The following GPRASP3 variants were observed in gnomAD, a reference collection of about 807,000 sequenced individuals.
The protein encoded by GPRASP3 is G protein-coupled receptor associated sorting protein family member 3, also known as G protein-coupled receptor associated sorting protein 3.
At chrX:102,724,749 G>GTGTGTGTGTT in the GPRASP3 span, among the ~76,000 whole-genome samples, 31 of 110,085 alleles carry the variant, frequency 2.8e-4, no homozygotes, top group African/African-American at 1.0e-3. Context: ...GTGTGTGTGT[G>GTGTGTGTGTT]TGTGTATCCA....
At chrX:102,744,972 C>T in the GPRASP3 span, among the ~76,000 whole-genome samples, 1 of 111,365 alleles carries the variant, frequency 9.0e-6, no homozygotes, top group East Asian at 2.8e-4. Flanking sequence ...AACTCCCCAT[C>T]GCTTGGAAGG....
the GPRASP3 span, among the ~76,000 whole-genome samples, chrX:102,734,180 T>G: frequency 2.7e-5 from 3 of 112,146 alleles, no homozygotes; most frequent in African/African-American, 9.7e-5. Context: ...GCCATCTGGA[T>G]GTATACGTGC....
chrX:102,737,374 A>G, the GPRASP3 span, among the ~76,000 whole-genome samples: 1 of 112,611 alleles, frequency 8.9e-6, no homozygotes, highest in African/African-American at 3.2e-5. Context: ...CCATGAGTGT[A>G]TGACGTATGT....
chrX:102,725,941 C>T, the GPRASP3 span, among the ~76,000 whole-genome samples: 2 of 111,901 alleles, frequency 1.8e-5, no homozygotes, highest in Non-Finnish European at 1.9e-5. Flanking sequence ...GGACAGGAAG[C>T]ATAGAGAAAG....
chrX:102,724,207 T>C, the GPRASP3 span, among the ~76,000 whole-genome samples: 722 of 111,402 alleles, frequency 6.5e-3, 7 homozygotes, highest in African/African-American at 0.023. Context: ...TTGTTGGTGA[T>C]TGTGCCCTTA....
At chrX:102,743,520 C>T in the GPRASP3 span, among the ~76,000 whole-genome samples, 3 of 110,945 alleles carry the variant, frequency 2.7e-5, no homozygotes, top group South Asian at 1.2e-3. Flanking sequence ...ATTTATGTAA[C>T]CGCCCGATGG....
chrX:102,750,202 T>C, the GPRASP3 span: 1 of 1,203,386 alleles, frequency 8.3e-7, no homozygotes, highest in African/African-American at 1.8e-5. Flanking sequence ...CAAAATTGAA[T>C]TACATGTTAA....
chrX:102,752,931 G>A, the GPRASP3 span: 2 of 120,900 alleles, frequency 1.7e-5, no homozygotes, highest in Non-Finnish European at 3.8e-5. Flanking sequence ...CACCACATCC[G>A]ACTAATTTTT....
chrX:102,740,384 GA>G, the GPRASP3 span, among the ~76,000 whole-genome samples: 362 of 112,117 alleles, frequency 3.2e-3, 2 homozygotes, highest in African/African-American at 0.011. Flanking sequence ...GAATTCTTCC[GA>G]ATCTTAACCA....
chrX:102,721,636 C>A, the GPRASP3 span, among the ~76,000 whole-genome samples: 1 of 111,189 alleles, frequency 9.0e-6, no homozygotes, highest in Non-Finnish European at 1.9e-5. Flanking sequence ...TGGATCTCAG[C>A]CCCATGCAGC....
At chrX:102,749,042 A>G in the GPRASP3 span, 1 of 1,210,913 alleles carries the variant, frequency 8.3e-7, no homozygotes, top group Non-Finnish European at 1.1e-6. Context: ...AAAACTGAAA[A>G]AAAGGCTGCT....
chrX:102,729,415 A>G, the GPRASP3 span, among the ~76,000 whole-genome samples: 1 of 112,091 alleles, frequency 8.9e-6, no homozygotes, highest in Non-Finnish European at 1.9e-5. Context: ...CTGAAATTTA[A>G]TCATAATATT....
chrX:102,738,481 C>T, the GPRASP3 span, among the ~76,000 whole-genome samples: 1 of 110,983 alleles, frequency 9.0e-6, no homozygotes, highest in Non-Finnish European at 1.9e-5. Flanking sequence ...CCTGCCTAGC[C>T]TTTCATCTTT....
At chrX:102,753,297 A>G in the GPRASP3 span, 2 of 123,759 alleles carry the variant, frequency 1.6e-5, no homozygotes, top group Admixed American at 9.4e-5. Flanking sequence ...CATCCATATC[A>G]TGTGTCTCAC....
chrX:102,741,402 A>G, the GPRASP3 span, among the ~76,000 whole-genome samples: 1 of 111,849 alleles, frequency 8.9e-6, no homozygotes, highest in African/African-American at 3.3e-5. Context: ...TTAGAAAGTT[A>G]TATGCATGCC....
the GPRASP3 span, among the ~76,000 whole-genome samples, chrX:102,747,193 T>C: frequency 8.9e-6 from 1 of 112,178 alleles, no homozygotes; most frequent in Non-Finnish European, 1.9e-5. Context: ...TCTGAGGAGC[T>C]ATGAGAGTTG....
At chrX:102,733,331 C>T in the GPRASP3 span, among the ~76,000 whole-genome samples, 11 of 109,320 alleles carry the variant, frequency 1.0e-4, no homozygotes, top group African/African-American at 2.3e-4. Context: ...TGGTGGCGGG[C>T]GCCTGTAATC....
chrX:102,730,211 C>T, the GPRASP3 span, among the ~76,000 whole-genome samples: 9 of 111,993 alleles, frequency 8.0e-5, no homozygotes, highest in African/African-American at 2.9e-4. Context: ...AGCATGCAAC[C>T]TAGATCCTTC....
chrX:102,734,347 G>A, the GPRASP3 span, among the ~76,000 whole-genome samples: 2 of 112,305 alleles, frequency 1.8e-5, no homozygotes, highest in South Asian at 3.7e-4. Context: ...GGCCAGGCGC[G>A]GTGGCTCACG....
Sources: allele counts gnomAD v4.1 joint callset (sites outside exome capture counted in the v4.1 genomes callset), GRCh38; gene constraint gnomAD v4.1.1; transcripts MANE v1.5; gene names NCBI Gene and HGNC (gene_info 2026-07-23, HGNC 2026-07-21).